The following ATP2B2 variants were observed in gnomAD, a reference collection of about 807,000 sequenced individuals.
ATP2B2 encodes the protein ATPase plasma membrane Ca2+ transporting 2.
A neutral mutation model predicts 120.0 loss-of-function variants in ATP2B2; 15 were observed. The observed-to-expected ratio is 0.12, with a 90% CI of 0.08 to 0.19. The LOEUF is 0.19. Ranked by LOEUF, ATP2B2 falls within the 10% of genes least tolerant of loss-of-function variation. ATP2B2 has a pLI of 1.00. For synonymous variants in ATP2B2, 694 were observed against 700.3 expected (o/e 0.99, Z 0.14); for missense variants, 1,045 against 1,719.8 (o/e 0.61, Z 6.94).
intron 3 of ATP2B2, among the ~76,000 whole-genome samples, chr3:10,514,848 C>T (rs1052540708): frequency 6.6e-6 from 1 of 152,212 alleles, no homozygotes; most frequent in African/African-American, 2.4e-5. Flanking sequence ...GCTGGGCCAC[C>T]TCTCTCACTG....
At chr3:10,557,115 C>A (rs1441251884) in intron 2 of ATP2B2, among the ~76,000 whole-genome samples, 1 of 152,176 alleles carries the variant, frequency 6.6e-6, no homozygotes, top group African/African-American at 2.4e-5. Context: ...CTAGGTGTTT[C>A]TAATTGGCAT....
At chr3:10,503,380 C>T (rs1245946749) in intron 1 of ATP2B2, among the ~76,000 whole-genome samples, 1 of 152,242 alleles carries the variant, frequency 6.6e-6, no homozygotes, top group Non-Finnish European at 1.5e-5. Context: ...CAACTTTGGG[C>T]AGCCTTCTCT....
At position 10,535,756 on chromosome 3, in the gene ATP2B2, TTAAC is replaced by T. The variant is rs545117428; in HGVS notation, c.-414-1627_-414-1624del. Among the ~76,000 whole-genome samples, 10 of 152,326 alleles carry T rather than the reference TTAAC, an allele frequency of 6.6e-5. No individual in the cohort carries two copies. In the South Asian group the frequency reaches 2.1e-3, roughly 32 times the overall value. On this transcript the variant is annotated intron_variant, in intron 2 of 21. Transcript: ENST00000646379. ...CCTACGTGGATGCATTACAGGTTGT[TTAAC>T]TATCAATCAGTGAAAGGACATCTGT...
chr3:10,359,038 GC>G, intron 13 of ATP2B2, 113 bp from the exon 14 acceptor site: 1 of 1,022,890 alleles, frequency 9.8e-7, no homozygotes, highest in Non-Finnish European at 1.4e-6. Context: ...GTCATCCAGT[GC>G]CCATCTAGTT....
rs138717475 is a variant in ATP2B2 at position 10,373,447 on chromosome 3, A to G, written c.1417-1396T>C. On this transcript the variant is annotated intron_variant, in intron 11 of 22. Coordinates refer to ENST00000360273, the MANE Select transcript of ATP2B2 (RefSeq NM_001001331.4). ...CCTTACTATCCAATACGGTAGTCAC[A>G]TGTATTGTGACTACACCTATAGGGT... is the stretch of plus-strand genomic sequence containing the variant. 1.7e-3 allele frequency among the ~76,000 whole-genome samples: 266 copies of G among 152,322 alleles called. 1 individual carries two copies. The highest frequency in any genetic ancestry group is 6.0e-3 in the African/African-American group (250 of 41,562).
At chr3:10,600,578 C>T (rs1236896789) in intron 2 of ATP2B2, among the ~76,000 whole-genome samples, 1 of 152,244 alleles carries the variant, frequency 6.6e-6, no homozygotes, top group Non-Finnish European at 1.5e-5. Flanking sequence ...TGCTTACAGG[C>T]ATTGGCCGTG....
At chr3:10,426,954 G>A (rs892844056) in intron 2 of ATP2B2, among the ~76,000 whole-genome samples, 13 of 152,242 alleles carry the variant, frequency 8.5e-5, no homozygotes, top group East Asian at 3.9e-4. Context: ...AAGGTCCCTC[G>A]TGAAAGTTGA....
chr3:10,368,494 A>G (rs534896496), intron 12 of ATP2B2, among the ~76,000 whole-genome samples: 1 of 151,362 alleles, frequency 6.6e-6, no homozygotes, highest in African/African-American at 2.4e-5. Context: ...TTCATCCACC[A>G]TTCCATTCCA....
intron 2 of ATP2B2, among the ~76,000 whole-genome samples, chr3:10,421,990 A>C (rs1181017078): frequency 6.6e-6 from 1 of 152,176 alleles, no homozygotes; most frequent in Non-Finnish European, 1.5e-5. Context: ...ATTCACTAAC[A>C]CACATTTACT....
intron 2 of ATP2B2, among the ~76,000 whole-genome samples, chr3:10,566,065 C>T (rs1270827447): frequency 6.6e-6 from 1 of 152,186 alleles, no homozygotes; most frequent in Non-Finnish European, 1.5e-5. Context: ...CAGCTATCTG[C>T]CCATGCACCC....
intron 12 of ATP2B2, among the ~76,000 whole-genome samples, chr3:10,368,822 T>TC (rs1410183748): frequency 2.6e-5 from 4 of 151,956 alleles, no homozygotes; most frequent in African/African-American, 9.7e-5. Flanking sequence ...TACCCACCAC[T>TC]CATCCATCCA....
At chr3:10,401,799 T>A (rs1338534641) in intron 4 of ATP2B2, among the ~76,000 whole-genome samples, 1 of 152,244 alleles carries the variant, frequency 6.6e-6, no homozygotes, top group African/African-American at 2.4e-5. Context: ...TGCGGCTGTA[T>A]CCAGGCTCTG....
chr3:10,503,444 G>A (rs1358898453), intron 1 of ATP2B2, among the ~76,000 whole-genome samples: 1 of 152,232 alleles, frequency 6.6e-6, no homozygotes, highest in African/African-American at 2.4e-5. Flanking sequence ...CAGCTCCCTG[G>A]GAATACGGGC....
intron 12 of ATP2B2, 107 bp from the exon 13 acceptor site, chr3:10,360,230 C>A: frequency 6.8e-7 from 1 of 1,470,116 alleles, no homozygotes; most frequent in African/African-American, 1.4e-5. Flanking sequence ...GGTCTCTGGG[C>A]TGGGGGCTGA....
intron 3 of ATP2B2, among the ~76,000 whole-genome samples, chr3:10,529,735 G>A (rs1480715445): frequency 6.6e-6 from 1 of 152,176 alleles, no homozygotes; most frequent in Non-Finnish European, 1.5e-5. Flanking sequence ...GTACAGATGG[G>A]CGTTGACAGA....
Position 10,328,598 on chromosome 3 carries a change from A to G in ATP2B2, c.*216T>C, listed in dbSNP as rs538903438. 2.0e-4 allele frequency: 120 copies of G among 600,432 alleles called. No individual in the cohort carries two copies. Among genetic ancestry groups the G allele is most frequent in the Middle Eastern group, 4.5e-4 (1 of 2,202 alleles). 37.2% of individuals were successfully genotyped at this position (600,432 alleles called of 1,614,324 possible). ...TCACTCCCGTAAGCCCCCAGTGGAG[A>G]TCCCGCCCCTTGCCTTGAAGTGAAA... On this transcript the variant is annotated 3_prime_UTR_variant, in exon 23 of 23. Coordinates refer to ENST00000360273, the MANE Select transcript of ATP2B2 (RefSeq NM_001001331.4).
At chr3:10,570,487 TC>T (rs1380702098) in intron 2 of ATP2B2, 2 of 152,220 alleles carry the variant, frequency 1.3e-5, no homozygotes, top group Non-Finnish European at 2.9e-5. Context: ...AACCAGTGTC[TC>T]CCCAGTAGGC....
In ATP2B2 at chr3:10,388,243, C is replaced by G. The variant is rs766527964; in HGVS notation, c.907+34G>C. 4 of 1,613,808 alleles carry G rather than the reference C, an allele frequency of 2.5e-6. No homozygotes were observed. The African/African-American group carries it at 5.3e-5, about 22-fold the overall frequency. On this transcript the variant is annotated intron_variant, in intron 6 of 22. Transcript: ENST00000360273. Reference sequence around the variant, plus strand: ...CAAAAAAAAAATGTGGCCTTAAGAGCTCCTCTCCTGGTCTGCAAGGGGATT... The same window carrying G: ...CAAAAAAAAAATGTGGCCTTAAGAGGTCCTCTCCTGGTCTGCAAGGGGATT...
intron 2 of ATP2B2, among the ~76,000 whole-genome samples, chr3:10,536,528 T>C (rs1326000914): frequency 6.6e-6 from 1 of 150,706 alleles, no homozygotes; most frequent in African/African-American, 2.5e-5. Flanking sequence ...CCTTTCTTCT[T>C]TCTTCTTCTT....
Sources: allele counts gnomAD v4.1 joint callset (sites outside exome capture counted in the v4.1 genomes callset), GRCh38; gene constraint gnomAD v4.1.1; transcripts MANE v1.5; gene names NCBI Gene and HGNC (gene_info 2026-07-23, HGNC 2026-07-21).